Variants in PLGRKT observed in about 807,000 individuals in gnomAD.
PLGRKT encodes the protein plasminogen receptor (KT).
PLGRKT carries 22 observed loss-of-function variants against 18.5 expected under a neutral mutation model. The observed-to-expected ratio is 1.19, with a 90% CI of 0.85 to 1.70. PLGRKT has a LOEUF of 1.70. PLGRKT is among the 40% of genes most tolerant of loss of function. The pLI is 0.00. For synonymous variants in PLGRKT, 72 were observed against 52.8 expected (o/e 1.36, Z -1.58); for missense variants, 235 against 174.4 (o/e 1.35, Z -1.96).
rs554162608 is a variant in PLGRKT at position 5,367,410 on chromosome 9, G to A, written c.82-5522C>T. Among the ~76,000 whole-genome samples the A allele has an allele frequency of 3.9e-5, 6 of 152,148 alleles. No homozygotes were observed. In the South Asian group the frequency reaches 1.2e-3, roughly 32 times the overall value. On this transcript the variant is annotated intron_variant, in intron 3 of 5. Coordinates refer to ENST00000223864, the MANE Select transcript of PLGRKT (RefSeq NM_018465.4). ...AGCAGAAACGTATGCCAATGGAAAA[G>A]AATAGAGAATTCATAAATAAAGCCA... is the stretch of plus-strand genomic sequence containing the variant.
chr9:5,412,711 G>A (rs917363985), intron 3 of PLGRKT, among the ~76,000 whole-genome samples: 1 of 152,186 alleles, frequency 6.6e-6, no homozygotes. Context: ...GTGGTATAGG[G>A]AAAAGCTTTC....
At chr9:5,425,412 G>C (rs887891639) in intron 3 of PLGRKT, among the ~76,000 whole-genome samples, 2 of 152,138 alleles carry the variant, frequency 1.3e-5, no homozygotes, top group Non-Finnish European at 2.9e-5. Context: ...GTTAAAAAAA[G>C]AAAACCTTTT....
chr9:5,369,243 C>T (rs920218806), intron 3 of PLGRKT, among the ~76,000 whole-genome samples: 2 of 152,064 alleles, frequency 1.3e-5, no homozygotes, highest in African/African-American at 2.4e-5. Context: ...TTACAGAGAA[C>T]TTAAATTTAC....
At chr9:5,394,351 C>A (rs1404629947) in intron 3 of PLGRKT, among the ~76,000 whole-genome samples, 6 of 151,672 alleles carry the variant, frequency 4.0e-5, no homozygotes, top group Non-Finnish European at 8.8e-5. Flanking sequence ...AAATGAAGAA[C>A]GAGGGAGAAA....
intron 3 of PLGRKT, among the ~76,000 whole-genome samples, chr9:5,387,304 C>T (rs555101810): frequency 2.0e-5 from 3 of 151,880 alleles, no homozygotes; most frequent in Admixed American, 6.5e-5. Context: ...GACCATCTGA[C>T]CTCTGTTTTA....
intron 3 of PLGRKT, among the ~76,000 whole-genome samples, chr9:5,424,705 G>A: frequency 8.1e-6 from 1 of 123,544 alleles, no homozygotes; most frequent in African/African-American, 3.8e-5. Flanking sequence ...CACAGGGGGG[G>A]GAGAGAGGGA....
intron 3 of PLGRKT, among the ~76,000 whole-genome samples, chr9:5,402,874 TGTAAA>T (rs1037299094): frequency 6.6e-6 from 1 of 151,922 alleles, no homozygotes; most frequent in African/African-American, 2.4e-5. Flanking sequence ...CAGAATTAGT[TGTAAA>T]GTAAATACTA....
At chr9:5,422,578 G>C (rs1041866234) in intron 3 of PLGRKT, among the ~76,000 whole-genome samples, 2 of 152,154 alleles carry the variant, frequency 1.3e-5, no homozygotes, top group South Asian at 2.1e-4. Context: ...AACTATAGTA[G>C]GAAAACTTTG....
intron 3 of PLGRKT, among the ~76,000 whole-genome samples, chr9:5,411,461 T>G (rs1329523978): frequency 6.6e-6 from 1 of 152,014 alleles, no homozygotes; most frequent in Non-Finnish European, 1.5e-5. Flanking sequence ...AACCAATTCT[T>G]GGGTATCCTT....
At chr9:5,428,647 A>G (rs1485083112) in intron 3 of PLGRKT, among the ~76,000 whole-genome samples, 1 of 151,896 alleles carries the variant, frequency 6.6e-6, no homozygotes, top group Non-Finnish European at 1.5e-5. Context: ...AACTATTACG[A>G]CCACCCTTGA....
At chr9:5,380,960 C>G (rs1817732248) in intron 3 of PLGRKT, among the ~76,000 whole-genome samples, 1 of 152,152 alleles carries the variant, frequency 6.6e-6, no homozygotes, top group Non-Finnish European at 1.5e-5. Flanking sequence ...CTCAGAAGAC[C>G]TGATGGTTTA....
rs190914556 is a variant in PLGRKT at position 5,395,160 on chromosome 9, G to C, written c.82-33272C>G. Among the ~76,000 whole-genome samples the C allele has an allele frequency of 5.1e-4, 77 of 151,510 alleles. 1 individual carries two copies. Among genetic ancestry groups the C allele is most frequent in the Admixed American group, 5.0e-3 (76 of 15,238 alleles). Reference sequence around the variant, plus strand: ...CTTCAAACAGATTATCTTCAAATAGGTGTAATATATTATTGGGGTTTTACA... The same window carrying C: ...CTTCAAACAGATTATCTTCAAATAGCTGTAATATATTATTGGGGTTTTACA... On this transcript the variant is annotated intron_variant, in intron 3 of 5. Transcript: ENST00000223864.
intron 3 of PLGRKT, among the ~76,000 whole-genome samples, chr9:5,382,327 T>C (rs766120606): frequency 6.6e-6 from 1 of 152,184 alleles, no homozygotes; most frequent in Non-Finnish European, 1.5e-5. Context: ...TGAAAGTGCA[T>C]GGCAGGGCTG....
intron 3 of PLGRKT, among the ~76,000 whole-genome samples, chr9:5,390,363 T>C (rs1010577465): frequency 1.3e-5 from 2 of 151,754 alleles, no homozygotes; most frequent in Non-Finnish European, 2.9e-5. Context: ...AGCCTCATGC[T>C]GGACCAGTTT....
chr9:5,419,939 C>A (rs116900378), intron 3 of PLGRKT, among the ~76,000 whole-genome samples: 2,881 of 152,304 alleles, frequency 0.019, 44 homozygotes, highest in Non-Finnish European at 0.028. Flanking sequence ...CACAGCAGCA[C>A]TATACACAAT....
At position 5,361,174 on chromosome 9, in the gene PLGRKT, T is replaced by C. The variant is rs756508118; in HGVS notation, c.226A>G (p.Lys76Glu). 5.0e-6 allele frequency: 8 copies of C among 1,599,736 alleles called. No homozygotes were observed. The African/African-American group carries it at 1.1e-4, about 22-fold the overall frequency. The change falls in exon 5 of 6, where the codon AAG becomes GAG. Residue 76 changes from lysine to glutamate, a missense_variant. Transcript: ENST00000223864. ...ATCGGGACCAGGAAGGCTGGCTTCT[T>C]TTTTTTAATCGCTCTGTTTCAAGAA... The part of the protein sequence containing the change: ...ISLTAGAIKK[K>E]KPAFLVPIVP...
In PLGRKT at chr9:5,437,045, G is replaced by A. The variant is rs2295871; in HGVS notation, c.-132-351C>T. 2.5e-3 allele frequency among the ~76,000 whole-genome samples: 381 copies of A among 152,264 alleles called. 15 individuals are homozygous for A. The East Asian group carries it at 0.059, about 24-fold the overall frequency. On this transcript the variant is annotated intron_variant, in intron 1 of 5. Coordinates refer to ENST00000223864, the MANE Select transcript of PLGRKT (RefSeq NM_018465.4). Reference sequence around the variant, plus strand: ...CTCAGAGTGATGTTTTGCAGAGAATGCTGATTTCAATCCCTCTGTCTTCAT... The same window carrying A: ...CTCAGAGTGATGTTTTGCAGAGAATACTGATTTCAATCCCTCTGTCTTCAT...
At chr9:5,432,075 G>C in intron 2 of PLGRKT, 92 bp from the exon 3 acceptor site, 1 of 600,886 alleles carries the variant, frequency 1.7e-6, no homozygotes, top group Non-Finnish European at 3.0e-6. Context: ...TTATGACAAA[G>C]TAAAAAAAAA....
At chr9:5,399,952 T>C (rs1818125394) in intron 3 of PLGRKT, among the ~76,000 whole-genome samples, 1 of 151,642 alleles carries the variant, frequency 6.6e-6, no homozygotes, top group African/African-American at 2.4e-5. Flanking sequence ...ATCGCACCAC[T>C]GCACTCCAGT....
Sources: allele counts gnomAD v4.1 joint callset (sites outside exome capture counted in the v4.1 genomes callset), GRCh38; gene constraint gnomAD v4.1.1; transcripts MANE v1.5; gene names NCBI Gene and HGNC (gene_info 2026-07-23, HGNC 2026-07-21).